Variants in DLGAP2 observed in about 807,000 individuals in gnomAD.
DLGAP2 encodes the protein disks large-associated protein 2.
In DLGAP2, 26 loss-of-function variants were observed where a neutral mutation model predicts 100.3. The observed-to-expected ratio is 0.26, with a 90% CI of 0.19 to 0.36. The LOEUF (loss-of-function observed/expected upper bound fraction) is 0.36. Among genes scored for constraint, DLGAP2 ranks in the 10% least tolerant of loss-of-function variants. DLGAP2 has a pLI of 1.00. For synonymous variants in DLGAP2, 886 were observed against 630.1 expected (o/e 1.41, Z -6.08); for missense variants, 1,858 against 1,453.2 (o/e 1.28, Z -4.53).
At chr8:769,127 G>C (rs1821291752) in intron 1 of DLGAP2, among the ~76,000 whole-genome samples, 1 of 152,112 alleles carries the variant, frequency 6.6e-6, no homozygotes, top group South Asian at 2.1e-4. Flanking sequence ...GAGCAGCTCG[G>C]ATCTCTAGAG....
chr8:1,021,234 A>G (rs143673901), intron 2 of DLGAP2, among the ~76,000 whole-genome samples: 9 of 152,318 alleles, frequency 5.9e-5, no homozygotes, highest in Admixed American at 1.3e-4. Flanking sequence ...CATAAGAAGG[A>G]TGGAACGCAT....
At chr8:1,577,371 C>T (rs757851272) in intron 6 of DLGAP2, among the ~76,000 whole-genome samples, 5 of 151,776 alleles carry the variant, frequency 3.3e-5, no homozygotes, top group African/African-American at 9.7e-5. Context: ...GAGTTCGAGA[C>T]CAGCCTGGCC....
chr8:1,568,683 CG>C (rs1418400144), intron 6 of DLGAP2, among the ~76,000 whole-genome samples: 8 of 133,354 alleles, frequency 6.0e-5, no homozygotes, highest in African/African-American at 1.5e-4. Context: ...GACACAAATC[CG>C]TCTCTGCCCG....
chr8:1,463,104 C>T (rs1798506442), intron 3 of DLGAP2, among the ~76,000 whole-genome samples: 1 of 152,074 alleles, frequency 6.6e-6, no homozygotes, highest in African/African-American at 2.4e-5. Context: ...CAAAAATTAG[C>T]CTGGCGTGGT....
intron 3 of DLGAP2, among the ~76,000 whole-genome samples, chr8:1,385,963 C>A (rs1378063328): frequency 1.2e-4 from 19 of 152,272 alleles, no homozygotes; most frequent in Non-Finnish European, 2.5e-4. Flanking sequence ...AGTCCTAATA[C>A]TGGAATCAAT....
At chr8:1,005,977 T>A (rs1183960687) in intron 2 of DLGAP2, among the ~76,000 whole-genome samples, 1 of 151,732 alleles carries the variant, frequency 6.6e-6, no homozygotes, top group Non-Finnish European at 1.5e-5. Context: ...AATCACGAGG[T>A]CAAGAGATCA....
intron 2 of DLGAP2, among the ~76,000 whole-genome samples, chr8:1,091,708 G>A (rs1804187650): frequency 1.3e-5 from 2 of 152,142 alleles, no homozygotes; most frequent in Non-Finnish European, 2.9e-5. Context: ...GTGGGTGGAC[G>A]TCTGGGTTGT....
At chr8:1,012,708 G>T (rs1296986947) in intron 2 of DLGAP2, among the ~76,000 whole-genome samples, 1 of 121,536 alleles carries the variant, frequency 8.2e-6, no homozygotes, top group East Asian at 2.4e-4. Flanking sequence ...TACTTCAGCG[G>T]CAGTGTGGAC....
chr8:1,168,999 T>A (rs1459767901), intron 2 of DLGAP2, among the ~76,000 whole-genome samples: 2 of 148,414 alleles, frequency 1.3e-5, no homozygotes, highest in Admixed American at 6.8e-5. Context: ...TTCTTCTAGG[T>A]TTTTTATGGT....
intron 1 of DLGAP2, among the ~76,000 whole-genome samples, chr8:780,398 G>A (rs987549160): frequency 2.0e-5 from 3 of 152,194 alleles, no homozygotes; most frequent in Non-Finnish European, 4.4e-5. Flanking sequence ...TGACAGACAC[G>A]TAGGTTGATT....
chr8:1,147,228 T>C (rs899804269), intron 2 of DLGAP2, among the ~76,000 whole-genome samples: 5 of 152,216 alleles, frequency 3.3e-5, no homozygotes, highest in Non-Finnish European at 7.3e-5. Context: ...ATTCGATATT[T>C]CCTCATGCTA....
At chr8:1,190,958 G>C (rs73539280) in intron 2 of DLGAP2, among the ~76,000 whole-genome samples, 31,067 of 152,040 alleles carry the variant, frequency 0.2, 3,462 homozygotes, top group African/African-American at 0.3. Flanking sequence ...CCCCAGCAGC[G>C]CAGCGAGGGG....
chr8:1,168,451 G>A (rs371706969), intron 2 of DLGAP2, among the ~76,000 whole-genome samples: 5 of 149,914 alleles, frequency 3.3e-5, no homozygotes, highest in Admixed American at 6.7e-5. Flanking sequence ...CTGAGGAATC[G>A]CCACACTGAC....
chr8:1,276,974 G>A (rs767510605), intron 3 of DLGAP2, among the ~76,000 whole-genome samples: 15 of 152,114 alleles, frequency 9.9e-5, no homozygotes, highest in Admixed American at 2.0e-4. Context: ...ATCATTTTTA[G>A]TGGTTGCATA....
intron 2 of DLGAP2, among the ~76,000 whole-genome samples, chr8:1,066,347 C>G (rs1435609334): frequency 5.4e-5 from 8 of 149,144 alleles, no homozygotes; most frequent in Non-Finnish European, 1.2e-4. Flanking sequence ...CAGCTCCTCA[C>G]CACGGTCAGG....
chr8:1,217,240 T>G (rs887290156), intron 2 of DLGAP2, among the ~76,000 whole-genome samples: 1 of 152,214 alleles, frequency 6.6e-6, no homozygotes, highest in African/African-American at 2.4e-5. Flanking sequence ...GTTAGTTTGC[T>G]TAGGATAATG....
At chr8:1,254,921 C>T (rs1563043034) in intron 2 of DLGAP2, among the ~76,000 whole-genome samples, 1 of 145,782 alleles carries the variant, frequency 6.9e-6, no homozygotes, top group East Asian at 2.0e-4. Flanking sequence ...TGCCCAGGTG[C>T]TGTGTGTGTG....
intron 6 of DLGAP2, among the ~76,000 whole-genome samples, chr8:1,578,883 G>A (rs1803107040): frequency 6.6e-6 from 1 of 152,170 alleles, no homozygotes; most frequent in African/African-American, 2.4e-5. Context: ...AGGGCTGATG[G>A]CCCCGTCTGT....
intron 2 of DLGAP2, among the ~76,000 whole-genome samples, chr8:1,254,237 C>T (rs1459080537): frequency 1.3e-5 from 2 of 152,182 alleles, no homozygotes; most frequent in East Asian, 1.9e-4. Flanking sequence ...GTGAAGCCGG[C>T]GTCTCCCCTG....
Sources: gnomAD v4.1 joint callset for allele counts (sites outside exome capture counted in the v4.1 genomes callset) on GRCh38, gnomAD v4.1.1 for gene constraint, MANE v1.5 for transcripts, NCBI Gene and HGNC (gene_info 2026-07-23, HGNC 2026-07-21) for gene names.